Variants in PRKG1 observed in about 807,000 individuals in gnomAD.
PRKG1 encodes the protein cGMP-dependent protein kinase 1.
In PRKG1, 35 loss-of-function variants were observed where a neutral mutation model predicts 88.1. The observed-to-expected ratio is 0.40, with a 90% CI of 0.30 to 0.53. PRKG1 has a LOEUF of 0.53. Ranked by LOEUF, PRKG1 falls within the 20% of genes least tolerant of loss-of-function variation. PRKG1 has a pLI of 0.59. For synonymous variants in PRKG1, 303 were observed against 292.5 expected, an observed-to-expected ratio of 1.04 and a Z score of -0.37; for missense variants, 540 against 839.8, an observed-to-expected ratio of 0.64 and a Z score of 4.41.
intron 4 of PRKG1, among the ~76,000 whole-genome samples, chr10:51,881,515 G>A (rs1241271080): frequency 3.9e-5 from 6 of 152,116 alleles, no homozygotes; most frequent in African/African-American, 1.4e-4. Context: ...GTCTAGCTGA[G>A]CTTCTTGAAA....
At chr10:51,418,530 C>T (rs961867173) in intron 2 of PRKG1, among the ~76,000 whole-genome samples, 2 of 152,134 alleles carry the variant, frequency 1.3e-5, no homozygotes, top group Admixed American at 6.6e-5. Flanking sequence ...ATATCTAGTT[C>T]TTGGAAGCCC....
chr10:52,186,868 A>G (rs889036839), intron 9 of PRKG1, among the ~76,000 whole-genome samples: 3 of 152,190 alleles, frequency 2.0e-5, no homozygotes, highest in African/African-American at 4.8e-5. Context: ...ATGAGCCTCG[A>G]CTTACTATAA....
At position 51,812,306 on chromosome 10, in the gene PRKG1, G is replaced by A. The variant is rs183429033; in HGVS notation, c.698+7616G>A. The stretch of plus-strand genomic sequence containing the variant: ...AAGTTGTCGAGATGCTTAAAGAAGT[G>A]GTAGTCAGTTGACAAGAGGTCAGGT... On this transcript the variant is annotated intron_variant, in intron 4 of 17. Coordinates refer to ENST00000373980, the MANE Select transcript of PRKG1 (RefSeq NM_006258.4). Among the ~76,000 whole-genome samples, 10 of 152,304 alleles carry A rather than the reference G, an allele frequency of 6.6e-5. 1 individual carries two copies. Among genetic ancestry groups the A allele is most frequent in the South Asian group, 4.1e-4 (2 of 4,826 alleles).
At position 51,211,881 on chromosome 10, in the gene PRKG1, G is replaced by A. The variant is rs545602260; in HGVS notation, c.478+58551G>A. On this transcript the variant is annotated intron_variant, in intron 2 of 17. Transcript: ENST00000373980. Reference sequence around the variant, plus strand: ...AGGAAGAATCAATATCGTGAAAATGGCCATACTGCCCAAGGTAATTTATAG... The same window carrying A: ...AGGAAGAATCAATATCGTGAAAATGACCATACTGCCCAAGGTAATTTATAG... 1.8e-4 allele frequency among the ~76,000 whole-genome samples: 27 copies of A among 152,228 alleles called. No individual in the cohort carries two copies. In the South Asian group the frequency reaches 4.8e-3, roughly 27 times the overall value.
At chr10:52,226,851 C>T (rs1174515375) in intron 9 of PRKG1, among the ~76,000 whole-genome samples, 2 of 152,008 alleles carry the variant, frequency 1.3e-5, no homozygotes, top group Non-Finnish European at 2.9e-5. Context: ...TCATAATCAC[C>T]AAAGGAACCT....
intron 1 of PRKG1, among the ~76,000 whole-genome samples, chr10:51,087,160 A>C (rs1195245645): frequency 6.6e-6 from 1 of 152,174 alleles, no homozygotes; most frequent in Admixed American, 6.5e-5. Context: ...TCTCTTGCTC[A>C]AATTAGGCTC....
At chr10:52,188,931 A>G (rs1039214693) in intron 9 of PRKG1, among the ~76,000 whole-genome samples, 1 of 152,182 alleles carries the variant, frequency 6.6e-6, no homozygotes, top group African/African-American at 2.4e-5. Flanking sequence ...GACATGTACC[A>G]GGCACAGAGA....
At chr10:52,233,338 G>A (rs111930855) in intron 9 of PRKG1, among the ~76,000 whole-genome samples, 2,243 of 152,082 alleles carry the variant, frequency 0.015, 22 homozygotes, top group Non-Finnish European at 0.027. Context: ...TAATAGCTCC[G>A]GTCTACAGCT....
At chr10:51,188,741 C>T (rs146403609) in intron 2 of PRKG1, among the ~76,000 whole-genome samples, 18 of 151,612 alleles carry the variant, frequency 1.2e-4, no homozygotes, top group African/African-American at 4.4e-4. Context: ...ATTAAAAGAC[C>T]CCAGAGGATA....
At chr10:50,998,960 A>C (rs1471223501) in intron 1 of PRKG1, among the ~76,000 whole-genome samples, 2 of 152,224 alleles carry the variant, frequency 1.3e-5, no homozygotes, top group Non-Finnish European at 2.9e-5. Flanking sequence ...TGCACTGCTC[A>C]CTAAACATTA....
intron 3 of PRKG1, among the ~76,000 whole-genome samples, chr10:51,700,264 C>A (rs1047534526): frequency 6.6e-6 from 1 of 152,198 alleles, no homozygotes; most frequent in Non-Finnish European, 1.5e-5. Context: ...GTGGCAGACC[C>A]TTCTAGGTTT....
intron 7 of PRKG1, among the ~76,000 whole-genome samples, chr10:52,115,811 A>G (rs943186505): frequency 6.6e-6 from 1 of 152,174 alleles, no homozygotes; most frequent in Non-Finnish European, 1.5e-5. Flanking sequence ...CTCAGGGTGT[A>G]TATTCAGAAA....
intron 2 of PRKG1, among the ~76,000 whole-genome samples, chr10:51,297,640 A>G (rs1840755318): frequency 6.6e-6 from 1 of 152,106 alleles, no homozygotes; most frequent in Non-Finnish European, 1.5e-5. Flanking sequence ...TCTATGTATG[A>G]GCAACAGGAA....
chr10:51,115,997 C>A (rs896765724), intron 1 of PRKG1, among the ~76,000 whole-genome samples: 3 of 151,918 alleles, frequency 2.0e-5, no homozygotes, highest in African/African-American at 7.3e-5. Context: ...ATAGGCTGGG[C>A]GAAGGAGAGA....
chr10:51,562,028 G>A (rs1272396635), intron 3 of PRKG1, among the ~76,000 whole-genome samples: 2 of 151,992 alleles, frequency 1.3e-5, no homozygotes, highest in Non-Finnish European at 2.9e-5. Context: ...TTCGAGACCA[G>A]CCTGGCCAAC....
intron 1 of PRKG1, among the ~76,000 whole-genome samples, chr10:51,015,363 A>C (rs1408499570): frequency 2.0e-5 from 3 of 152,228 alleles, no homozygotes; most frequent in Non-Finnish European, 4.4e-5. Context: ...TTGTATATCA[A>C]ACGTTATTTT....
intron 3 of PRKG1, among the ~76,000 whole-genome samples, chr10:51,625,147 A>C (rs560065167): frequency 7.9e-5 from 12 of 152,282 alleles, no homozygotes; most frequent in Non-Finnish European, 1.8e-4. Flanking sequence ...ACACGCATTG[A>C]GACATCACAC....
intron 3 of PRKG1, among the ~76,000 whole-genome samples, chr10:51,705,420 A>T (rs2132422545): frequency 6.6e-6 from 1 of 152,326 alleles, no homozygotes; most frequent in East Asian, 1.9e-4. Flanking sequence ...ATAGATGTTA[A>T]CCAAATGATA....
intron 1 of PRKG1, among the ~76,000 whole-genome samples, chr10:51,110,960 G>A (rs950083721): frequency 6.6e-6 from 1 of 152,102 alleles, no homozygotes; most frequent in South Asian, 2.1e-4. Flanking sequence ...ATTTGAAAAA[G>A]CATAAAGAAA....
Sources: gnomAD v4.1 joint callset for allele counts (sites outside exome capture counted in the v4.1 genomes callset) on GRCh38, gnomAD v4.1.1 for gene constraint, MANE v1.5 for transcripts, NCBI Gene and HGNC (gene_info 2026-07-23, HGNC 2026-07-21) for gene names.